The following KIF16B variants were observed in gnomAD, a reference collection of about 807,000 sequenced individuals.
The protein encoded by KIF16B is kinesin-like protein KIF16B.
In KIF16B, 98 loss-of-function variants were observed where a neutral mutation model predicts 156.3. The observed-to-expected ratio is 0.63, with a 90% CI of 0.53 to 0.74. The LOEUF (loss-of-function observed/expected upper bound fraction) is 0.74, where lower values mean the gene tolerates loss of function less well. Among genes scored for constraint, KIF16B ranks in the 30% least tolerant of loss-of-function variants. The pLI is 0.00. For synonymous variants in KIF16B, 564 were observed against 583.7 expected, an observed-to-expected ratio of 0.97 and a Z score of 0.49; for missense variants, 1,421 against 1,606.5, an observed-to-expected ratio of 0.88 and a Z score of 1.97.
intron 25 of KIF16B, among the ~76,000 whole-genome samples, chr20:16,285,540 G>C (rs2063210738): frequency 6.6e-6 from 1 of 152,186 alleles, no homozygotes; most frequent in Admixed American, 6.5e-5. Context: ...CACCCAGCCA[G>C]GTGCAGTGGC....
intron 15 of KIF16B, among the ~76,000 whole-genome samples, chr20:16,411,882 C>T (rs1282882372): frequency 2.7e-5 from 4 of 149,418 alleles, no homozygotes; most frequent in African/African-American, 9.9e-5. Context: ...TTATGCTGGC[C>T]CTCAAAAACT....
chr20:16,530,497 G>C (rs2069707315), intron 1 of KIF16B, among the ~76,000 whole-genome samples: 1 of 152,150 alleles, frequency 6.6e-6, no homozygotes, highest in East Asian at 1.9e-4. Flanking sequence ...AGGAAACAGG[G>C]GCCCGCTAGC....
At chr20:16,498,063 G>A (rs1230386021) in intron 10 of KIF16B, among the ~76,000 whole-genome samples, 1 of 152,148 alleles carries the variant, frequency 6.6e-6, no homozygotes, top group Non-Finnish European at 1.5e-5. Context: ...AGGCTTCTGA[G>A]ATTTGCTCTT....
intron 1 of KIF16B, among the ~76,000 whole-genome samples, chr20:16,564,594 A>G (rs2147386767): frequency 6.6e-6 from 1 of 152,094 alleles, no homozygotes; most frequent in East Asian, 1.9e-4. Context: ...GCACACCAAC[A>G]TGGCACATGT....
chr20:16,476,684 C>A (rs1316768153), intron 12 of KIF16B, among the ~76,000 whole-genome samples: 1 of 152,152 alleles, frequency 6.6e-6, no homozygotes, highest in Non-Finnish European at 1.5e-5. Flanking sequence ...CTAAAAGATG[C>A]AGGATAGCCA....
intron 12 of KIF16B, among the ~76,000 whole-genome samples, chr20:16,442,664 A>C (rs966977015): frequency 1.3e-5 from 2 of 152,036 alleles, no homozygotes; most frequent in African/African-American, 2.4e-5. Context: ...TCTTTCACAT[A>C]AAATTGGAGT....
chr20:16,386,045 G>A (rs912557057), intron 17 of KIF16B, among the ~76,000 whole-genome samples: 2 of 152,138 alleles, frequency 1.3e-5, no homozygotes, highest in African/African-American at 2.4e-5. Context: ...CAGGCAGCAC[G>A]AAACATTCAA....
At position 16,341,362 on chromosome 20, in the gene KIF16B, A is replaced by T. The variant is rs117346165; in HGVS notation, c.3622-5347T>A. On this transcript the variant is annotated intron_variant, in intron 23 of 25. Coordinates refer to ENST00000354981, the MANE Select transcript of KIF16B (RefSeq NM_024704.5). The stretch of plus-strand genomic sequence containing the variant: ...AAACTTACTGTATTCCTCTGAATTG[A>T]GCTTAGTGAGGTCAGTGAAGGTATC... 1.1e-3 allele frequency among the ~76,000 whole-genome samples: 169 copies of T among 152,238 alleles called. 3 individuals carry two copies. The East Asian group carries it at 0.026, about 24-fold the overall frequency.
chr20:16,513,065 C>A (rs142027237), intron 4 of KIF16B, 142 bp from the exon 5 acceptor site: 11 of 604,726 alleles, frequency 1.8e-5, no homozygotes, highest in South Asian at 4.1e-5. Flanking sequence ...CCATATACCC[C>A]CTCCAGGGCT....
At chr20:16,417,463 C>T (rs923001995) in intron 15 of KIF16B, among the ~76,000 whole-genome samples, 4 of 152,114 alleles carry the variant, frequency 2.6e-5, no homozygotes, top group African/African-American at 9.7e-5. Context: ...AGGGTATAAA[C>T]ATTTCCCATA....
chr20:16,500,573 TTTG>T (rs1213888571), intron 10 of KIF16B, among the ~76,000 whole-genome samples: 1 of 152,160 alleles, frequency 6.6e-6, no homozygotes, highest in African/African-American at 2.4e-5. Context: ...TTCGAACAGT[TTTG>T]TTGTTTTTTT....
At chr20:16,340,119 T>C (rs2064114638) in intron 23 of KIF16B, among the ~76,000 whole-genome samples, 1 of 152,202 alleles carries the variant, frequency 6.6e-6, no homozygotes, top group Admixed American at 6.5e-5. Context: ...TCCTTGCTCA[T>C]CTAGGGTATA....
intron 4 of KIF16B, among the ~76,000 whole-genome samples, chr20:16,513,238 T>TA (rs76079246): frequency 0.24 from 36,155 of 152,062 alleles, 4,917 homozygotes; most frequent in East Asian, 0.36. Context: ...CAATAAATGT[T>TA]AAAAATACAT....
At chr20:16,431,917 C>CACACACACACACACAT (rs1555883240) in intron 12 of KIF16B, among the ~76,000 whole-genome samples, 1 of 149,948 alleles carries the variant, frequency 6.7e-6, no homozygotes, top group Non-Finnish European at 1.5e-5. Context: ...TACGTATACA[C>CACACACACACACACAT]ACACACACAC....
intron 12 of KIF16B, among the ~76,000 whole-genome samples, chr20:16,460,562 CAA>C (rs1272883244): frequency 1.5e-5 from 2 of 135,146 alleles, no homozygotes; most frequent in Admixed American, 7.5e-5. Flanking sequence ...ACTCCGTCTC[CAA>C]AAAAAAAAAA....
intron 22 of KIF16B, among the ~76,000 whole-genome samples, chr20:16,360,019 G>A (rs1167789618): frequency 2.6e-5 from 4 of 152,160 alleles, no homozygotes; most frequent in Non-Finnish European, 5.9e-5. Context: ...ATATTAATGA[G>A]TGTACAGAAA....
At chr20:16,399,139 G>A (rs1476675393) in intron 17 of KIF16B, among the ~76,000 whole-genome samples, 1 of 152,120 alleles carries the variant, frequency 6.6e-6, no homozygotes, top group East Asian at 1.9e-4. Flanking sequence ...CAAATATGGG[G>A]TTAAGGGTCT....
At chr20:16,330,430 C>G (rs2063927673) in intron 24 of KIF16B, among the ~76,000 whole-genome samples, 1 of 152,188 alleles carries the variant, frequency 6.6e-6, no homozygotes, top group South Asian at 2.1e-4. Context: ...GTCTACCTAA[C>G]TTAGTGCATT....
At chr20:16,469,193 C>T (rs751434403) in intron 12 of KIF16B, among the ~76,000 whole-genome samples, 1 of 144,518 alleles carries the variant, frequency 6.9e-6, no homozygotes. Flanking sequence ...TGGAGGCTGC[C>T]GTGAGCTTAT....
Sources: allele counts gnomAD v4.1 joint callset (sites outside exome capture counted in the v4.1 genomes callset), GRCh38; gene constraint gnomAD v4.1.1; transcripts MANE v1.5; gene names NCBI Gene and HGNC (gene_info 2026-07-23, HGNC 2026-07-21).